The following RELN variants were observed in gnomAD, a reference collection of about 807,000 sequenced individuals.
RELN encodes reelin.
In RELN, 108 loss-of-function variants were observed where a neutral mutation model predicts 427.6. That is an observed-to-expected ratio of 0.25 (90% CI 0.22 to 0.30). The LOEUF (loss-of-function observed/expected upper bound fraction) is 0.30, where lower values mean the gene tolerates loss of function less well. Ranked by LOEUF, RELN falls within the 10% of genes least tolerant of loss-of-function variation. The pLI, the probability that RELN is intolerant of heterozygous loss-of-function variation, is 1.00. For missense variants in RELN, 3,715 were observed against 4,302.8 expected, an observed-to-expected ratio of 0.86 and a Z score of 3.82; for synonymous variants, 1,524 against 1,513.4, an observed-to-expected ratio of 1.01 and a Z score of -0.16.
At chr7:103,548,954 A>G (rs1021370327) in intron 41 of RELN, among the ~76,000 whole-genome samples, 2 of 152,210 alleles carry the variant, frequency 1.3e-5, no homozygotes, top group Non-Finnish European at 2.9e-5. Context: ...TTGCTGAAGC[A>G]AGTCTCAGTT....
In RELN at chr7:103,620,630, C is replaced by T. The variant is rs1261376452; in HGVS notation, c.2703-8827G>A. Among the ~76,000 whole-genome samples, 1 of 152,050 alleles carries T rather than the reference C, an allele frequency of 6.6e-6. No homozygotes were observed. Among genetic ancestry groups the T allele is most frequent in the Non-Finnish European group, 1.5e-5 (1 of 68,002 alleles). On this transcript the variant is annotated intron_variant, in intron 20 of 64. Transcript: ENST00000428762. This position sits in a 1 kb window ranked among gnomAD's most constrained non-coding sequence, Gnocchi z 4.1. ...CTGGGATTACAGATGTGCACCACTA[C>T]ACCCAGCTAATTTCTGTATTTTTAG...
At chr7:103,732,029 G>T (rs1389370506) in intron 6 of RELN, among the ~76,000 whole-genome samples, 5 of 152,088 alleles carry the variant, frequency 3.3e-5, no homozygotes, top group Admixed American at 3.3e-4. Flanking sequence ...TATGTGACTA[G>T]TGCCTACCAT....
intron 6 of RELN, among the ~76,000 whole-genome samples, chr7:103,729,783 G>T (rs1191865823): frequency 6.6e-6 from 1 of 152,076 alleles, no homozygotes; most frequent in Non-Finnish European, 1.5e-5. Flanking sequence ...CCATTTTAAA[G>T]GTCTGAGGTC....
intron 55 of RELN, 25 bp downstream of exon 55, chr7:103,497,795 G>A (rs1225826198): frequency 6.3e-7 from 1 of 1,589,350 alleles, no homozygotes; most frequent in Admixed American, 1.7e-5. Context: ...TGCTCCAAGG[G>A]GTGGTTTTCA....
At chr7:103,721,529 C>T (rs568707705) in intron 8 of RELN, among the ~76,000 whole-genome samples, 1 of 152,070 alleles carries the variant, frequency 6.6e-6, no homozygotes, top group South Asian at 2.1e-4. Context: ...GTAATTGGTA[C>T]AAATGAAAGG....
At chr7:103,522,853 C>CA (rs1189048440) in intron 47 of RELN, among the ~76,000 whole-genome samples, 1 of 22,096 alleles carries the variant, frequency 4.5e-5, no homozygotes, top group African/African-American at 1.8e-4. Context: ...ACACACACAC[C>CA]CCCACACCTT....
chr7:103,869,968 T>A (rs1563061252), intron 2 of RELN, among the ~76,000 whole-genome samples: 1 of 152,164 alleles, frequency 6.6e-6, no homozygotes, highest in Non-Finnish European at 1.5e-5. Context: ...GTAATTCCTA[T>A]TGACCTGTCA....
intron 31 of RELN, among the ~76,000 whole-genome samples, chr7:103,568,199 G>C (rs919104857): frequency 6.6e-6 from 1 of 152,054 alleles, no homozygotes; most frequent in Non-Finnish European, 1.5e-5. Context: ...TATCACATTG[G>C]ATAATTATTT....
intron 20 of RELN, among the ~76,000 whole-genome samples, chr7:103,629,218 C>A (rs906072062): frequency 4.6e-5 from 7 of 152,208 alleles, no homozygotes; most frequent in African/African-American, 1.7e-4. Flanking sequence ...AGCTCCTGAG[C>A]CTACTCAACA....
intron 16 of RELN, among the ~76,000 whole-genome samples, chr7:103,644,224 C>A (rs1028243369): frequency 4.6e-5 from 7 of 151,616 alleles, no homozygotes; most frequent in African/African-American, 1.5e-4. Context: ...GTTAAAAAAT[C>A]ATACTAATTC....
rs530835026 is a variant in RELN at position 103,574,302 on chromosome 7, T to C, written c.4304-3A>G. On this transcript the variant is annotated splice_polypyrimidine_tract_variant and splice_region_variant and intron_variant, in intron 29 of 64. Transcript: ENST00000428762. ...TGACACACAGGTTCCTTGTGCAGCT[T>C]CAGAAAAAGAAATAGAGAGGAGAGA... The C allele has an allele frequency of 1.9e-6, 3 of 1,613,272 alleles. No homozygotes were observed. The highest frequency in any genetic ancestry group is 2.5e-6 in the Non-Finnish European group (3 of 1,179,362).
At chr7:103,888,084 T>C (rs147704416) in intron 2 of RELN, among the ~76,000 whole-genome samples, 1 of 152,210 alleles carries the variant, frequency 6.6e-6, no homozygotes, top group African/African-American at 2.4e-5. Context: ...GGGCTCTCTA[T>C]TGCTTCCAGA....
rs141800957 is a variant in RELN, at chr7:103,810,772, C to T, written c.473+22765G>A. Among the ~76,000 whole-genome samples the T allele has an allele frequency of 1.4e-3, 211 of 152,270 alleles. 1 individual carries two copies. Among genetic ancestry groups the T allele is most frequent in the African/African-American group, 4.9e-3 (203 of 41,564 alleles). ...GGTCATTGTAGCAATAACAACAATG[C>T]CAGAAAAATTCTCCTGACACTGGAG... On this transcript the variant is annotated intron_variant, in intron 3 of 64. Transcript: ENST00000428762.
At chr7:103,502,058 G>A (rs917136705) in intron 52 of RELN, among the ~76,000 whole-genome samples, 4 of 152,206 alleles carry the variant, frequency 2.6e-5, no homozygotes, top group African/African-American at 4.8e-5. Context: ...AAGGAGGAAC[G>A]CTGTCCCTGA....
chr7:103,573,989 T>C lies in RELN; in HGVS notation c.4511+103A>G, dbSNP rs1830939402. 1 of 918,682 alleles carries C rather than the reference T, an allele frequency of 1.1e-6. No homozygotes were observed. 56.9% of individuals were successfully genotyped at this position (918,682 alleles called of 1,614,324 possible). A position where few individuals can be genotyped will look rare whatever the true frequency, so the allele number is the denominator to read the frequency against. On this transcript the variant is annotated intron_variant, in intron 30 of 64. Coordinates refer to ENST00000428762, the MANE Select transcript of RELN (RefSeq NM_005045.4). This position sits in a 1 kb window ranked among gnomAD's most constrained non-coding sequence, Gnocchi z 4.4. ...TATCATAATCTATATACAGAAACAT[T>C]ATTGTATATATTCCCAATAACAGAA...
At chr7:103,667,967 T>A (rs1472684293) in intron 11 of RELN, among the ~76,000 whole-genome samples, 2 of 152,198 alleles carry the variant, frequency 1.3e-5, no homozygotes, top group Admixed American at 1.3e-4. Context: ...TGGTGGCTCA[T>A]GCCTGTAATC....
chr7:103,540,812 A>C (rs1830161390), intron 43 of RELN, among the ~76,000 whole-genome samples: 1 of 152,182 alleles, frequency 6.6e-6, no homozygotes. Flanking sequence ...TCATCTATTT[A>C]AGATAAGTGT....
chr7:103,505,134 G>A (rs1474013302), intron 51 of RELN, among the ~76,000 whole-genome samples: 1 of 152,200 alleles, frequency 6.6e-6, no homozygotes, highest in Non-Finnish European at 1.5e-5. Flanking sequence ...GGTGCTGTGG[G>A]CACAGCTTCA....
chr7:103,962,713 A>G (rs1423776093), intron 1 of RELN, among the ~76,000 whole-genome samples: 3 of 151,790 alleles, frequency 2.0e-5, no homozygotes, highest in Non-Finnish European at 4.4e-5. Context: ...TGAATTCAGG[A>G]GTCTGCCATT....
Sources: allele counts gnomAD v4.1 joint callset (sites outside exome capture counted in the v4.1 genomes callset), GRCh38; gene constraint gnomAD v4.1.1; non-coding constraint Gnocchi (gnomAD v3.1); transcripts MANE v1.5; gene names NCBI Gene and HGNC (gene_info 2026-07-23, HGNC 2026-07-21).